ITSN1: variants seen among roughly 807,000 people sequenced by gnomAD.
ITSN1 encodes intersectin 1, also known as intersectin-1.
A neutral mutation model predicts 239.8 loss-of-function variants in ITSN1; 58 were observed. That is an observed-to-expected ratio of 0.24 (90% confidence interval 0.20 to 0.30). The LOEUF is 0.30. ITSN1 is among the 10% of genes least tolerant of loss of function. ITSN1 has a pLI of 1.00. For missense variants in ITSN1, 1,558 were observed against 2,103.3 expected (o/e 0.74, Z 5.07); for synonymous variants, 780 against 770.8 (o/e 1.01, Z -0.20).
chr21:33,758,480 AC>A (rs2068074411), intron 8 of ITSN1, among the ~76,000 whole-genome samples: 1 of 152,152 alleles, frequency 6.6e-6, no homozygotes, highest in African/African-American at 2.4e-5. Flanking sequence ...CCTGTTGGAC[AC>A]CCTGTTCTTC....
rs562883564 is a variant in ITSN1, at chr21:33,696,375, A to C, written c.-32-22422A>C. On this transcript the variant is annotated intron_variant, in intron 1 of 39. Transcript: ENST00000381318. ...TCCATTGAGTTTTCCACCAACTCTA[A>C]CTGGCAAAAGGACTCAGTTGTATTG... is the stretch of plus-strand genomic sequence containing the variant. 2.6e-5 allele frequency among the ~76,000 whole-genome samples: 4 copies of C among 152,274 alleles called. 1 individual carries two copies. In the South Asian group the frequency reaches 8.3e-4, roughly 32 times the overall value.
intron 36 of ITSN1, 26 bp downstream of exon 36, chr21:33,883,697 G>A (rs1219015636): frequency 6.2e-7 from 1 of 1,609,118 alleles, no homozygotes; most frequent in South Asian, 1.1e-5. Context: ...TCCCCAGCAT[G>A]GGCCCCAGGG....
At chr21:33,878,550 G>T (rs1984389979) in intron 34 of ITSN1, among the ~76,000 whole-genome samples, 1 of 152,110 alleles carries the variant, frequency 6.6e-6, no homozygotes, top group African/African-American at 2.4e-5. Flanking sequence ...CACTCCTCCT[G>T]TGGTTTCTTC....
chr21:33,789,522 A>G lies in ITSN1; in HGVS notation c.1825-4819A>G, dbSNP rs558906279. On this transcript the variant is annotated intron_variant, in intron 16 of 39. Transcript: ENST00000381318. ...AAAAGCAAAATCCTTCAAAAAAGTT[A>G]AATATCTAAATCAGTAAATACATTT... Among the ~76,000 whole-genome samples the G allele has an allele frequency of 2.0e-5, 3 of 152,298 alleles. No homozygotes were observed. In the South Asian group the frequency reaches 6.2e-4, roughly 32 times the overall value.
intron 29 of ITSN1, among the ~76,000 whole-genome samples, chr21:33,845,715 G>T (rs995787463): frequency 6.6e-6 from 1 of 152,218 alleles, no homozygotes; most frequent in African/African-American, 2.4e-5. Context: ...TGCTCTACAG[G>T]AGCCTGCTCA....
chr21:33,888,077 C>A, intron 39 of ITSN1, 75 bp from the exon 40 acceptor site: 1 of 1,488,578 alleles, frequency 6.7e-7, no homozygotes, highest in Non-Finnish European at 9.2e-7. Context: ...ATCAGGGGGT[C>A]CCCAATATGC....
In ITSN1 at chr21:33,652,250, G is replaced by A. The variant is rs978738274; in HGVS notation, c.-33+9537G>A. ...GACCTTTGTGGTTCTGGGAGGATGC[G>A]TCCTGGTGTTACTACACCTTATAGT... On this transcript the variant is annotated intron_variant, in intron 1 of 39. Coordinates refer to ENST00000381318, the MANE Select transcript of ITSN1 (RefSeq NM_003024.3). Among the ~76,000 whole-genome samples the A allele has an allele frequency of 1.3e-5, 2 of 152,132 alleles. 1 individual carries two copies. Among genetic ancestry groups the A allele is most frequent in the African/African-American group, 4.8e-5 (2 of 41,374 alleles).
chr21:33,824,940 C>G (rs2073897904), intron 25 of ITSN1, among the ~76,000 whole-genome samples: 1 of 152,112 alleles, frequency 6.6e-6, no homozygotes, highest in African/African-American at 2.4e-5. Context: ...CTTTTCAGAC[C>G]TGGAAACAGA....
At chr21:33,646,148 G>T (rs1321753061) in intron 1 of ITSN1, among the ~76,000 whole-genome samples, 1 of 152,140 alleles carries the variant, frequency 6.6e-6, no homozygotes. Context: ...TTTTTTAGTA[G>T]TCACTGATTT....
At chr21:33,687,466 G>A (rs553046105) in intron 1 of ITSN1, among the ~76,000 whole-genome samples, 11 of 147,088 alleles carry the variant, frequency 7.5e-5, no homozygotes, top group Admixed American at 4.8e-4. Flanking sequence ...ATCGGCATGA[G>A]TTTTACATAA....
chr21:33,816,726 G>A (rs1159722182), intron 22 of ITSN1, among the ~76,000 whole-genome samples: 1 of 152,216 alleles, frequency 6.6e-6, no homozygotes, highest in Non-Finnish European at 1.5e-5. Context: ...GAGAGGATTA[G>A]ACAGTGCAGA....
chr21:33,686,014 A>AAAAATAT (rs1272814309), intron 1 of ITSN1, among the ~76,000 whole-genome samples: 4 of 152,224 alleles, frequency 2.6e-5, no homozygotes, highest in African/African-American at 9.6e-5. Flanking sequence ...TAAGCATAGA[A>AAAAATAT]AACTGTGGGG....
At chr21:33,700,555 G>A (rs1421318660) in intron 1 of ITSN1, among the ~76,000 whole-genome samples, 3 of 152,190 alleles carry the variant, frequency 2.0e-5, no homozygotes, top group Non-Finnish European at 4.4e-5. Context: ...TAGGGAGAAA[G>A]CAAGCCTAAT....
At chr21:33,787,396 T>C (rs2070757974) in intron 16 of ITSN1, among the ~76,000 whole-genome samples, 1 of 152,232 alleles carries the variant, frequency 6.6e-6, no homozygotes, top group South Asian at 2.1e-4. Flanking sequence ...CTTAGTATAC[T>C]TGGGAAATCC....
intron 10 of ITSN1, among the ~76,000 whole-genome samples, chr21:33,767,193 CATAA>C (rs561807780): frequency 6.0e-4 from 91 of 151,550 alleles, no homozygotes; most frequent in East Asian, 1.4e-3. Context: ...AATAAAATGA[CATAA>C]ATAAATAAAT....
intron 7 of ITSN1, among the ~76,000 whole-genome samples, chr21:33,753,278 G>A (rs1401610563): frequency 1.3e-5 from 2 of 151,996 alleles, no homozygotes; most frequent in Non-Finnish European, 2.9e-5. Flanking sequence ...ATATGTATTG[G>A]GCATCTACTT....
At chr21:33,677,252 G>A (rs979763027) in intron 1 of ITSN1, among the ~76,000 whole-genome samples, 1 of 152,090 alleles carries the variant, frequency 6.6e-6, no homozygotes, top group Non-Finnish European at 1.5e-5. Context: ...CCCAAGAACT[G>A]CAGGCTTAGA....
At chr21:33,808,246 A>G (rs2072619769) in intron 20 of ITSN1, among the ~76,000 whole-genome samples, 1 of 151,792 alleles carries the variant, frequency 6.6e-6, no homozygotes, top group South Asian at 2.1e-4. Context: ...CAAGTAGGAG[A>G]ACTACAGCGC....
chr21:33,803,636 G>A (rs2072185472), intron 20 of ITSN1, among the ~76,000 whole-genome samples: 1 of 152,156 alleles, frequency 6.6e-6, no homozygotes, highest in Non-Finnish European at 1.5e-5. Flanking sequence ...ATATCAAACT[G>A]TTAACAATGG....
Sources: allele counts gnomAD v4.1 joint callset (sites outside exome capture counted in the v4.1 genomes callset), GRCh38; gene constraint gnomAD v4.1.1; transcripts MANE v1.5; gene names NCBI Gene and HGNC (gene_info 2026-07-23, HGNC 2026-07-21).